The following ARHGAP32 variants were observed in gnomAD, a reference collection of about 807,000 sequenced individuals.
The protein encoded by ARHGAP32 is rho GTPase-activating protein 32.
A neutral mutation model predicts 186.5 loss-of-function variants in ARHGAP32; 51 were observed. That is an observed-to-expected ratio of 0.27 (90% CI 0.22 to 0.35). ARHGAP32 has a LOEUF of 0.35. ARHGAP32 is among the 10% of genes least tolerant of loss of function. The probability of loss-of-function intolerance (pLI) is 1.00; values close to 1 mark genes in which losing one functional copy is unlikely to be tolerated. For missense variants in ARHGAP32, 2,186 were observed against 2,623.5 expected, an observed-to-expected ratio of 0.83 and a Z score of 3.64; for synonymous variants, 950 against 964.3, an observed-to-expected ratio of 0.99 and a Z score of 0.27.
intron 2 of ARHGAP32, among the ~76,000 whole-genome samples, chr11:129,153,305 C>A (rs188108094): frequency 1.3e-5 from 2 of 152,192 alleles, no homozygotes; most frequent in Admixed American, 1.3e-4. Context: ...AATGACCATA[C>A]GGCCAAAAGC....
chr11:129,059,123 G>A (rs1040410886), intron 10 of ARHGAP32, among the ~76,000 whole-genome samples: 15 of 152,236 alleles, frequency 9.9e-5, no homozygotes, highest in African/African-American at 2.6e-4. Context: ...CATGAAGAAC[G>A]TTAATAATCT....
At chr11:129,045,183 G>C (rs1939758832) in intron 10 of ARHGAP32, among the ~76,000 whole-genome samples, 1 of 152,108 alleles carries the variant, frequency 6.6e-6, no homozygotes, top group South Asian at 2.1e-4. Flanking sequence ...CCTATATTCA[G>C]GCAAAGCCGC....
At chr11:129,116,016 T>C (rs1942358571) in intron 5 of ARHGAP32, among the ~76,000 whole-genome samples, 1 of 152,060 alleles carries the variant, frequency 6.6e-6, no homozygotes, top group African/African-American at 2.4e-5. Context: ...CATATCACTT[T>C]ATGGAGAACC....
intron 1 of ARHGAP32, among the ~76,000 whole-genome samples, chr11:129,226,346 T>C (rs1001576119): frequency 1.3e-5 from 2 of 151,908 alleles, no homozygotes; most frequent in African/African-American, 4.8e-5. Flanking sequence ...AATCAAACTA[T>C]CCAAAGACAA....
chr11:129,041,134 CTAAA>C, intron 10 of ARHGAP32, 125 bp from the exon 11 acceptor site: 1 of 552,610 alleles, frequency 1.8e-6, no homozygotes, highest in Non-Finnish European at 3.2e-6. Context: ...TTCCAAGACT[CTAAA>C]TAACAGATGA....
At chr11:129,001,015 TTATC>T (rs1331516529) in intron 11 of ARHGAP32, among the ~76,000 whole-genome samples, 1 of 151,030 alleles carries the variant, frequency 6.6e-6, no homozygotes, top group Non-Finnish European at 1.5e-5. Flanking sequence ...CACATTTTCT[TTATC>T]CATTCATCTG....
At chr11:129,240,974 A>G (rs903394229) in intron 1 of ARHGAP32, among the ~76,000 whole-genome samples, 7 of 152,204 alleles carry the variant, frequency 4.6e-5, no homozygotes, top group Non-Finnish European at 1.0e-4. Context: ...CGTGGTTAAG[A>G]ATATGGACTT....
chr11:129,146,424 C>T (rs893672722), intron 2 of ARHGAP32, among the ~76,000 whole-genome samples: 1 of 152,112 alleles, frequency 6.6e-6, no homozygotes, highest in Admixed American at 6.5e-5. Flanking sequence ...AGCATATCCA[C>T]ATTGTATATG....
intron 2 of ARHGAP32, among the ~76,000 whole-genome samples, chr11:129,143,533 C>T (rs980098835): frequency 2.0e-5 from 3 of 152,192 alleles, no homozygotes. Context: ...GCCGGTGACT[C>T]ACTTGGGAGT....
At chr11:129,193,644 T>C (rs1426998555), upstream of ARHGAP32, among the ~76,000 whole-genome samples, 1 of 79,650 alleles carries the variant, frequency 1.3e-5, no homozygotes, top group Non-Finnish European at 2.3e-5. Context: ...ATATATGTTA[T>C]ATAATACATA....
intron 11 of ARHGAP32, among the ~76,000 whole-genome samples, chr11:129,013,009 CA>C (rs1175835144): frequency 6.6e-6 from 1 of 152,208 alleles, no homozygotes; most frequent in Non-Finnish European, 1.5e-5. Flanking sequence ...CTGGACTTCC[CA>C]GGACATTAGG....
chr11:129,267,454 C>G (rs1329903238), intron 1 of ARHGAP32, among the ~76,000 whole-genome samples: 1 of 152,064 alleles, frequency 6.6e-6, no homozygotes, highest in Non-Finnish European at 1.5e-5. Context: ...TTGATAAAGT[C>G]AGCAAATGGA....
At chr11:129,170,251 G>A (rs1388207040) in intron 1 of ARHGAP32, among the ~76,000 whole-genome samples, 1 of 150,564 alleles carries the variant, frequency 6.6e-6, no homozygotes, top group Non-Finnish European at 1.5e-5. Flanking sequence ...GAATGCGCAG[G>A]TTTGTTACAT....
At chr11:129,099,293 G>A (rs1044225171) in intron 5 of ARHGAP32, among the ~76,000 whole-genome samples, 4 of 152,122 alleles carry the variant, frequency 2.6e-5, no homozygotes, top group African/African-American at 9.7e-5. Flanking sequence ...CATTCTTACT[G>A]TACCTCTTCC....
chr11:129,261,808 A>G (rs748948130), intron 1 of ARHGAP32, among the ~76,000 whole-genome samples: 10 of 152,232 alleles, frequency 6.6e-5, no homozygotes, highest in Non-Finnish European at 1.3e-4. Context: ...TCCCTATATT[A>G]ATGGTGCAAC....
intron 13 of ARHGAP32, among the ~76,000 whole-genome samples, chr11:128,987,458 G>C (rs1293793700): frequency 6.6e-6 from 1 of 152,148 alleles, no homozygotes; most frequent in Non-Finnish European, 1.5e-5. Context: ...AATCTCTACA[G>C]AATAATGGCA....
chr11:129,046,674 T>C (rs1004610304), intron 10 of ARHGAP32, among the ~76,000 whole-genome samples: 7 of 152,122 alleles, frequency 4.6e-5, no homozygotes. Flanking sequence ...AAAAGGAATA[T>C]TAGAGAAGAA....
At chr11:129,001,413 T>G (rs1946355447) in intron 11 of ARHGAP32, among the ~76,000 whole-genome samples, 1 of 152,258 alleles carries the variant, frequency 6.6e-6, no homozygotes, top group South Asian at 2.1e-4. Context: ...TTTGTATGCC[T>G]TCTTTTAAGA....
intron 1 of ARHGAP32, among the ~76,000 whole-genome samples, chr11:129,254,713 G>A (rs1945231007): frequency 6.6e-6 from 1 of 151,950 alleles, no homozygotes; most frequent in Non-Finnish European, 1.5e-5. Flanking sequence ...GGCATCTACG[G>A]AGCTGGTCAT....
Sources: allele counts gnomAD v4.1 joint callset (sites outside exome capture counted in the v4.1 genomes callset), GRCh38; gene constraint gnomAD v4.1.1; transcripts MANE v1.5; gene names NCBI Gene and HGNC (gene_info 2026-07-23, HGNC 2026-07-21).